The following PPP2R3B variants were observed in gnomAD, a reference collection of about 807,000 sequenced individuals.
PPP2R3B encodes the protein protein phosphatase 2 regulatory subunit B''beta.
Under a neutral mutation model 72.9 loss-of-function variants are expected in PPP2R3B, and 68 were observed. The observed-to-expected ratio is 0.93, with a 90% CI of 0.77 to 1.14. The LOEUF is 1.14. Among genes scored for constraint, PPP2R3B ranks in the 50% most tolerant of loss-of-function variants. The pLI is 0.00. For missense variants in PPP2R3B, 1,018 were observed against 842.0 expected (o/e 1.21, Z -2.59); for synonymous variants, 466 against 375.8 (o/e 1.24, Z -2.78).
chrX:344,345 G>A (rs1439813797), intron 7 of PPP2R3B, among the ~76,000 whole-genome samples: 4 of 152,200 alleles, frequency 2.6e-5, no homozygotes, highest in South Asian at 4.1e-4. Flanking sequence ...ACCAACGGGA[G>A]GCAGGAGTGA....
chrX:334,141 G>A lies in PPP2R3B; in HGVS notation c.*226C>T, dbSNP rs1360626229. ...GCAAGCGCCAGAGGGTGTCCGTGTG[G>A]GAACCCGTCCCATTCACGCGCGGCC... On this transcript the variant is annotated 3_prime_UTR_variant, in exon 13 of 13. Transcript: ENST00000390665. 2 of 435,522 alleles carry A rather than the reference G, an allele frequency of 4.6e-6. No individual in the cohort carries two copies. The highest frequency in any genetic ancestry group is 4.6e-5 in the Admixed American group (1 of 21,764). 27.0% of individuals were successfully genotyped at this position (435,522 alleles called of 1,614,324 possible).
At chrX:373,113 G>A (rs1440674381) in intron 1 of PPP2R3B, among the ~76,000 whole-genome samples, 1 of 152,130 alleles carries the variant, frequency 6.6e-6, no homozygotes, top group Non-Finnish European at 1.5e-5. Context: ...GAAGGGTGAA[G>A]GAGTTTCCCG....
intron 2 of PPP2R3B, among the ~76,000 whole-genome samples, chrX:358,414 C>T (rs1463519579): frequency 1.3e-4 from 12 of 92,072 alleles, no homozygotes. Flanking sequence ...ATGCTCTCCG[C>T]CTGCAGGGCC....
chrX:348,501 G>A (rs1449004170), intron 2 of PPP2R3B, among the ~76,000 whole-genome samples: 1 of 151,470 alleles, frequency 6.6e-6, no homozygotes, highest in Non-Finnish European at 1.5e-5. Context: ...ACTTGATCCT[G>A]GGAGGTGGAG....
chrX:349,434 A>C (rs1301622019), intron 2 of PPP2R3B, among the ~76,000 whole-genome samples: 1 of 152,226 alleles, frequency 6.6e-6, no homozygotes, highest in East Asian at 1.9e-4. Flanking sequence ...AGCTGCTCAG[A>C]CAGCGATGAC....
chrX:338,314 C>A lies in PPP2R3B; in HGVS notation c.1577+290G>T, dbSNP rs146660917. On this transcript the variant is annotated intron_variant, in intron 12 of 12. Coordinates refer to ENST00000390665, the MANE Select transcript of PPP2R3B (RefSeq NM_013239.5). ...GACAGACGTCGTTGGCGAAACACGA[C>A]TCGGCCTCCCCGTGCTGGGCCTGAT... 3,853 of 566,142 alleles carry A rather than the reference C, an allele frequency of 6.8e-3. 136 individuals carry two copies. The highest frequency in any genetic ancestry group is 0.064 in the African/African-American group (3,394 of 53,194). 35.1% of individuals were successfully genotyped at this position (566,142 alleles called of 1,614,324 possible). A position where few individuals can be genotyped will look rare whatever the true frequency, so the allele number is the denominator to read the frequency against.
At chrX:381,805 A>G (rs998172272) in intron 1 of PPP2R3B, among the ~76,000 whole-genome samples, 1 of 151,688 alleles carries the variant, frequency 6.6e-6, no homozygotes, top group Non-Finnish European at 1.5e-5. Context: ...TCACTGTGTT[A>G]GCCAAGATGG....
chrX:348,955 C>T (rs2071276720), intron 2 of PPP2R3B, among the ~76,000 whole-genome samples: 1 of 152,092 alleles, frequency 6.6e-6, no homozygotes, highest in Non-Finnish European at 1.5e-5. Flanking sequence ...AGTCACAGGC[C>T]AGTTATCACT....
chrX:341,417 G>T, intron 8 of PPP2R3B, 21 bp from the exon 9 acceptor site: 1 of 1,609,986 alleles, frequency 6.2e-7, no homozygotes, highest in Non-Finnish European at 8.5e-7. Context: ...AGCCAGGATG[G>T]AGAGACGAAG....
chrX:386,065 G>A (rs1383424000), intron 1 of PPP2R3B, among the ~76,000 whole-genome samples: 2 of 152,102 alleles, frequency 1.3e-5, no homozygotes, highest in African/African-American at 4.8e-5. Flanking sequence ...CTGGGCAACA[G>A]AGCAAAACTC....
intron 2 of PPP2R3B, among the ~76,000 whole-genome samples, chrX:357,968 G>A (rs192175546): frequency 7.4e-4 from 112 of 152,256 alleles, no homozygotes; most frequent in African/African-American, 2.6e-3. Flanking sequence ...TAAGATCCAC[G>A]GGGGGACCCC....
chrX:379,231 ATGCACCTATG>A (rs2072068840), intron 1 of PPP2R3B, among the ~76,000 whole-genome samples: 3 of 132,358 alleles, frequency 2.3e-5, no homozygotes, highest in Admixed American at 2.2e-4. Flanking sequence ...ACCTGTGTGT[ATGCACCTATG>A]TGTGTGTGTG....
intron 8 of PPP2R3B, 60 bp from the exon 9 acceptor site, chrX:341,456 C>G: frequency 6.3e-7 from 1 of 1,575,276 alleles, no homozygotes; most frequent in Non-Finnish European, 8.7e-7. Context: ...TTCACAGGAA[C>G]GGAGCCCCTG....
intron 12 of PPP2R3B, chrX:334,746 G>T: frequency 2.1e-6 from 1 of 482,898 alleles, no homozygotes; most frequent in Non-Finnish European, 3.5e-6. Flanking sequence ...CACCCAGGAC[G>T]GGACGGAGCC....
chrX:358,055 G>A (rs771179348), intron 2 of PPP2R3B, among the ~76,000 whole-genome samples: 14 of 152,310 alleles, frequency 9.2e-5, no homozygotes, highest in South Asian at 2.1e-4. Context: ...CTGACAACAC[G>A]CGTGTGGAGC....
intron 2 of PPP2R3B, among the ~76,000 whole-genome samples, chrX:348,417 A>T (rs1468424644): frequency 2.0e-5 from 3 of 151,978 alleles, no homozygotes; most frequent in Non-Finnish European, 2.9e-5. Flanking sequence ...CTCTACTAAA[A>T]ACACAAAAAT....
In PPP2R3B at chrX:334,980, C is replaced by G. The variant is rs193002889; in HGVS notation, c.1578-463G>C. The G allele has an allele frequency of 1.7e-3, 275 of 158,016 alleles. 2 individuals are homozygous for G. The highest frequency in any genetic ancestry group is 5.9e-3 in the African/African-American group (247 of 41,852). 9.8% of individuals were successfully genotyped at this position (158,016 alleles called of 1,614,324 possible). A position where few individuals can be genotyped will look rare whatever the true frequency, so the allele number is the denominator to read the frequency against. Reference sequence around the variant, plus strand: ...AGCAGTGCGAGGACTGGACGCGCGCCTTCCCTTAAGGTCTCGGCAGTGACG... The same window carrying G: ...AGCAGTGCGAGGACTGGACGCGCGCGTTCCCTTAAGGTCTCGGCAGTGACG... On this transcript the variant is annotated intron_variant, in intron 12 of 12. Transcript: ENST00000390665.
rs746209941 is a variant in PPP2R3B at position 344,377 on chromosome X, G to C, written c.1036+1139C>G. Among the ~76,000 whole-genome samples, 467 of 152,318 alleles carry C rather than the reference G, an allele frequency of 3.1e-3. 6 individuals are homozygous for C. Among genetic ancestry groups the C allele is most frequent in the Middle Eastern group, 0.024 (7 of 294 alleles). On this transcript the variant is annotated intron_variant, in intron 7 of 12. Transcript: ENST00000390665. ...GTGAAAGCACCGTCGCCGTCAGCTT[G>C]GGCCACGAGAAGGTCCCGCAGCCTG...
chrX:340,901 G>GTCC lies in PPP2R3B; in HGVS notation c.1212_1214dup (p.Gly404_Asp405insGlu). 1 of 1,611,892 alleles carries GTCC rather than the reference G, an allele frequency of 6.2e-7. No individual in the cohort carries two copies. The highest frequency in any genetic ancestry group is 8.5e-7 in the Non-Finnish European group (1 of 1,179,654). On this transcript the variant is annotated inframe_insertion, in exon 10 of 13. Transcript: ENST00000390665. ...CGAGCTCGAACATGGACAGGGCGCC[G>GTCC]TCCCCGTCCAGGTCCATGCAGCGGA...
Sources: allele counts gnomAD v4.1 joint callset (sites outside exome capture counted in the v4.1 genomes callset), GRCh38; gene constraint gnomAD v4.1.1; transcripts MANE v1.5; gene names NCBI Gene and HGNC (gene_info 2026-07-23, HGNC 2026-07-21).